Variants in CACNA2D3 observed in about 807,000 individuals in gnomAD.
The protein encoded by CACNA2D3 is calcium voltage-gated channel auxiliary subunit alpha2delta 3, also known as voltage-dependent calcium channel subunit alpha-2/delta-3.
Under a neutral mutation model 160.6 loss-of-function variants are expected in CACNA2D3, and 60 were observed. The observed-to-expected ratio is 0.37, with a 90% confidence interval of 0.30 to 0.46. CACNA2D3 has a LOEUF of 0.46. Among genes scored for constraint, CACNA2D3 ranks in the 20% least tolerant of loss-of-function variants. CACNA2D3 has a pLI of 1.00. For missense variants in CACNA2D3, 1,205 were observed against 1,365.0 expected, an observed-to-expected ratio of 0.88 and a Z score of 1.85; for synonymous variants, 558 against 492.9, an observed-to-expected ratio of 1.13 and a Z score of -1.75.
At chr3:54,236,623 C>T (rs750016657) in intron 2 of CACNA2D3, among the ~76,000 whole-genome samples, 1 of 152,112 alleles carries the variant, frequency 6.6e-6, no homozygotes, top group Non-Finnish European at 1.5e-5. Flanking sequence ...AAACTCTGTG[C>T]ATAGAAGTTG....
chr3:54,210,439 TG>T (rs1393667732), intron 2 of CACNA2D3, among the ~76,000 whole-genome samples: 73 of 152,012 alleles, frequency 4.8e-4, no homozygotes, highest in African/African-American at 1.8e-3. Flanking sequence ...TGTGTGTGTG[TG>T]TTTGTGTGTG....
chr3:54,710,948 G>A (rs1234995086), intron 11 of CACNA2D3, among the ~76,000 whole-genome samples: 1 of 152,152 alleles, frequency 6.6e-6, no homozygotes, highest in Admixed American at 6.5e-5. Context: ...ATTACAATCT[G>A]GGTAAACTGA....
chr3:54,811,133 T>G (rs1703299700), intron 13 of CACNA2D3, among the ~76,000 whole-genome samples: 1 of 152,156 alleles, frequency 6.6e-6, no homozygotes, highest in Non-Finnish European at 1.5e-5. Flanking sequence ...GGACATGAGC[T>G]TCATATTTCC....
At position 54,657,533 on chromosome 3, in the gene CACNA2D3, T is replaced by G. The variant is rs553168174; in HGVS notation, c.1167+15292T>G. Among the ~76,000 whole-genome samples, 4 of 152,296 alleles carry G rather than the reference T, an allele frequency of 2.6e-5. No homozygotes were observed. In the East Asian group the frequency reaches 5.8e-4, roughly 22 times the overall value. On this transcript the variant is annotated intron_variant, in intron 11 of 37. Transcript: ENST00000474759. ...ACATTCAACAACAGCTCCCATGATC[T>G]CTCTCCCTGCCGGCCCCTAGTAGCC... is the stretch of plus-strand genomic sequence containing the variant.
chr3:54,737,876 G>A (rs1444944488), intron 11 of CACNA2D3, among the ~76,000 whole-genome samples: 1 of 152,150 alleles, frequency 6.6e-6, no homozygotes, highest in African/African-American at 2.4e-5. Context: ...ATGTTGGCCG[G>A]GCTTGTTTTG....
At chr3:54,371,264 T>A (rs1202968294) in intron 3 of CACNA2D3, among the ~76,000 whole-genome samples, 1 of 152,210 alleles carries the variant, frequency 6.6e-6, no homozygotes, top group East Asian at 1.9e-4. Context: ...ATGGTAACTC[T>A]TGTATTTAAC....
intron 16 of CACNA2D3, among the ~76,000 whole-genome samples, chr3:54,843,182 G>A (rs367733112): frequency 1.4e-4 from 21 of 152,102 alleles, no homozygotes; most frequent in African/African-American, 4.3e-4. Context: ...GGCTGGTCTC[G>A]AACTCCTGAC....
intron 2 of CACNA2D3, among the ~76,000 whole-genome samples, chr3:54,270,770 G>C (rs1702606605): frequency 6.6e-6 from 1 of 152,150 alleles, no homozygotes; most frequent in South Asian, 2.1e-4. Context: ...TAGGACTGAG[G>C]TTTCTATTTC....
Position 54,984,615 on chromosome 3 carries a change from A to G in CACNA2D3, c.2564A>G (p.Asn855Ser). The G allele has an allele frequency of 6.5e-7, 1 of 1,546,880 alleles. No homozygotes were observed. The highest frequency in any genetic ancestry group is 8.8e-7 in the Non-Finnish European group (1 of 1,140,534). Reference protein sequence around the residue: ...CSISCDDETVNCYLIDNNGFI... With the variant: ...CSISCDDETVSCYLIDNNGFI... Reference sequence around the variant, plus strand: ...TTTTTTTTAATTTTCTAGACTGTGAATTGTTACCTCATAGACAATAATGGA... The same window carrying G: ...TTTTTTTTAATTTTCTAGACTGTGAGTTGTTACCTCATAGACAATAATGGA... The change falls in exon 30 of 38, where the codon AAT becomes AGT. Residue 855 changes from asparagine to serine, a missense_variant. Asn to Ser is a conservative substitution (Grantham distance 46). Around this residue, in one of 3 missense-constraint regions of CACNA2D3, gnomAD observed 911 missense variants for 1,002.2 expected, o/e 0.91. Transcript: ENST00000474759.
intron 11 of CACNA2D3, among the ~76,000 whole-genome samples, chr3:54,688,016 A>C (rs1700502753): frequency 6.6e-6 from 1 of 152,194 alleles, no homozygotes; most frequent in Non-Finnish European, 1.5e-5. Flanking sequence ...CGTCGTTATT[A>C]ACCAGAATGT....
intron 2 of CACNA2D3, among the ~76,000 whole-genome samples, chr3:54,312,109 C>T (rs1336149490): frequency 6.6e-6 from 1 of 152,092 alleles, no homozygotes; most frequent in African/African-American, 2.4e-5. Flanking sequence ...AGGGAAGTGC[C>T]AGAGGGTTGG....
At chr3:54,296,185 T>C (rs986719347) in intron 2 of CACNA2D3, among the ~76,000 whole-genome samples, 2 of 152,150 alleles carry the variant, frequency 1.3e-5, no homozygotes, top group Admixed American at 6.5e-5. Context: ...GGGTAAGAGA[T>C]GGATGTGAAT....
chr3:54,381,352 A>T (rs375000844), intron 3 of CACNA2D3, among the ~76,000 whole-genome samples: 39 of 152,196 alleles, frequency 2.6e-4, no homozygotes, highest in East Asian at 1.5e-3. Flanking sequence ...GTTCATTGTG[A>T]TAAAATCAGG....
chr3:54,500,502 TA>T (rs1410375879), intron 4 of CACNA2D3, among the ~76,000 whole-genome samples: 1 of 115,582 alleles, frequency 8.7e-6, no homozygotes, highest in African/African-American at 3.9e-5. Context: ...CCTTCCTTCC[TA>T]TCTTCCTTCC....
chr3:54,804,545 A>G (rs1032154987), intron 13 of CACNA2D3, among the ~76,000 whole-genome samples: 1 of 152,244 alleles, frequency 6.6e-6, no homozygotes, highest in Non-Finnish European at 1.5e-5. Flanking sequence ...ACCCAGTTTC[A>G]TAAAGCAAGT....
intron 14 of CACNA2D3, among the ~76,000 whole-genome samples, chr3:54,831,211 G>A (rs1444049114): frequency 2.0e-5 from 3 of 152,146 alleles, no homozygotes; most frequent in Non-Finnish European, 4.4e-5. Flanking sequence ...AAGCCTCTAG[G>A]GCTGAGCAGA....
chr3:54,652,784 T>TTTC (rs938842275), intron 11 of CACNA2D3, among the ~76,000 whole-genome samples: 2 of 20,348 alleles, frequency 9.8e-5, no homozygotes, highest in Admixed American at 2.5e-3. Flanking sequence ...CATGGGAGGC[T>TTTC]TTTTTTTTTT....
At chr3:54,659,725 A>G (rs17054246) in intron 11 of CACNA2D3, among the ~76,000 whole-genome samples, 25,624 of 152,124 alleles carry the variant, frequency 0.17, 2,465 homozygotes, top group Non-Finnish European at 0.21. Context: ...ATTTCCTTGC[A>G]CCTTGAACAT....
intron 4 of CACNA2D3, among the ~76,000 whole-genome samples, chr3:54,388,528 A>G (rs1486996270): frequency 2.0e-5 from 3 of 152,212 alleles, no homozygotes; most frequent in African/African-American, 7.2e-5. Context: ...TAAGAGGGGA[A>G]TGAGGAGAAG....
Sources: gnomAD v4.1 joint callset for allele counts (sites outside exome capture counted in the v4.1 genomes callset) on GRCh38, gnomAD v4.1.1 for gene constraint, gnomAD v4.1.1 regional missense constraint, MANE v1.5 for transcripts, NCBI Gene and HGNC (gene_info 2026-07-23, HGNC 2026-07-21) for gene names.